Variants in EPG5 observed in about 807,000 individuals in gnomAD.
EPG5 encodes the protein ectopic P granules protein 5 homolog.
A neutral mutation model predicts 302.7 loss-of-function variants in EPG5; 159 were observed. The observed-to-expected ratio is 0.53, with a 90% confidence interval of 0.46 to 0.60. The LOEUF is 0.60. EPG5 is among the 20% of genes least tolerant of loss of function. EPG5 has a pLI of 0.00. For missense variants in EPG5, 2,896 were observed against 3,092.4 expected (o/e 0.94, Z 1.51); for synonymous variants, 1,158 against 1,136.8 (o/e 1.02, Z -0.37).
rs199978382 is a variant in EPG5 at position 45,901,058 on chromosome 18, C to G, written c.4584G>C (p.Leu1528Phe). 361 of 1,614,164 alleles carry G rather than the reference C, an allele frequency of 2.2e-4. 7 individuals carry two copies. The South Asian group carries it at 3.7e-3, about 17-fold the overall frequency. ...CCAGCTGGGTGGCGTCCTTCTGACT[C>G]AATAGCACAGCAGAGGAAATAACTG... is the stretch of plus-strand genomic sequence containing the variant. ...PVPVISSAVL[L>F]SQKDATQLVC... The change falls in exon 26 of 44, where the codon TTG becomes TTC. Residue 1528 changes from leucine to phenylalanine, a missense_variant. By Grantham distance (22) the Leu-to-Phe change is conservative. Coordinates refer to ENST00000282041, the MANE Select transcript of EPG5 (RefSeq NM_020964.3).
At chr18:45,807,905 C>T in the EPG5 span, among the ~76,000 whole-genome samples, 1 of 152,048 alleles carries the variant, frequency 6.6e-6, no homozygotes, top group Non-Finnish European at 1.5e-5. Context: ...AAAAAGAATT[C>T]AGGAGGTTAG....
intron 28 of EPG5, among the ~76,000 whole-genome samples, chr18:45,888,907 C>T (rs1200278850): frequency 6.6e-6 from 1 of 152,122 alleles, no homozygotes; most frequent in East Asian, 1.9e-4. Flanking sequence ...AAACACAAAA[C>T]CCTGATTTCT....
intron 32 of EPG5, among the ~76,000 whole-genome samples, chr18:45,879,460 T>G (rs1374663481): frequency 1.3e-5 from 2 of 152,188 alleles, no homozygotes; most frequent in Non-Finnish European, 2.9e-5. Context: ...CTCCGCTTCC[T>G]GGGTTCAAGC....
At chr18:45,908,451 TTG>T (rs1440256840) in intron 23 of EPG5, among the ~76,000 whole-genome samples, 4 of 152,198 alleles carry the variant, frequency 2.6e-5, no homozygotes, top group Non-Finnish European at 4.4e-5. Context: ...TCAGTTATTT[TTG>T]CTTAGAAAAG....
In EPG5 at chr18:45,852,303, ACC is replaced by A; in HGVS notation, c.*162_*163del. The A allele has an allele frequency of 3.3e-6, 2 of 604,354 alleles. No individual in the cohort carries two copies. Among genetic ancestry groups the A allele is most frequent in the South Asian group, 2.1e-5 (1 of 46,886 alleles). The allele number at this position is 604,354 out of a possible 1,614,324, so 37.4% of individuals were successfully genotyped here. ...AAAACACACACACACACACACACAC[ACC>A]CCAAAATTATCTAATATCTAACGCC... On this transcript the variant is annotated 3_prime_UTR_variant, in exon 44 of 44. Coordinates refer to ENST00000282041, the MANE Select transcript of EPG5 (RefSeq NM_020964.3).
At chr18:45,937,312 ATAGG>A (rs2050556578) in intron 10 of EPG5, among the ~76,000 whole-genome samples, 1 of 150,114 alleles carries the variant, frequency 6.7e-6, no homozygotes, top group Admixed American at 6.7e-5. Context: ...ATATATTTAT[ATAGG>A]TATTTATATA....
At chr18:45,875,360 A>G (rs1226659510) in intron 35 of EPG5, among the ~76,000 whole-genome samples, 13 of 152,242 alleles carry the variant, frequency 8.5e-5, no homozygotes, top group Admixed American at 8.5e-4. Flanking sequence ...GAATTAATGT[A>G]CATACATCAT....
At chr18:45,828,450 G>C in the EPG5 span, among the ~76,000 whole-genome samples, 2 of 152,250 alleles carry the variant, frequency 1.3e-5, no homozygotes, top group Admixed American at 1.3e-4. Context: ...AGGGAACGTG[G>C]GGCAGGGGGA....
At chr18:45,927,990 T>TCAAGACCAG (rs951946871) in intron 13 of EPG5, among the ~76,000 whole-genome samples, 14 of 151,888 alleles carry the variant, frequency 9.2e-5, no homozygotes, top group Non-Finnish European at 1.6e-4. Context: ...GGTTAGGAGT[T>TCAAGACCAG]CAAGACCAGC....
At chr18:45,858,094 A>G (rs2145193444) in intron 41 of EPG5, 26 bp from the exon 42 acceptor site, 1 of 1,582,814 alleles carries the variant, frequency 6.3e-7, no homozygotes, top group East Asian at 2.3e-5. Flanking sequence ...GAGGAAAATA[A>G]AATTAGAAGT....
At chr18:45,821,959 C>T in the EPG5 span, among the ~76,000 whole-genome samples, 1 of 152,212 alleles carries the variant, frequency 6.6e-6, no homozygotes. Flanking sequence ...AAAAAAATTA[C>T]ATATAGTGAA....
chr18:45,935,087 G>A, intron 10 of EPG5, 121 bp from the exon 11 acceptor site: 1 of 1,054,390 alleles, frequency 9.5e-7, no homozygotes, highest in Admixed American at 2.9e-5. Context: ...TTTCTAATAT[G>A]CTTTAGTCAT....
rs924971883 is a variant in EPG5 at position 45,851,316 on chromosome 18, C to T, written c.*1151G>A. 1.6e-4 allele frequency: 24 copies of T among 152,174 alleles called. No homozygotes were observed. The highest frequency in any genetic ancestry group is 2.8e-4 in the Non-Finnish European group (19 of 68,036). 9.4% of individuals were successfully genotyped at this position (152,174 alleles called of 1,614,324 possible). A position where few individuals can be genotyped will look rare whatever the true frequency, so the allele number is the denominator to read the frequency against. ...ACGTGGGAACAGAAGTCAAACTGCT[C>T]ATTCCCAGGAGAAATAACATGAGCA... On this transcript the variant is annotated 3_prime_UTR_variant, in exon 44 of 44. Coordinates refer to ENST00000282041, the MANE Select transcript of EPG5 (RefSeq NM_020964.3).
chr18:45,964,299 C>T (rs1165972601), intron 1 of EPG5, among the ~76,000 whole-genome samples: 2 of 152,212 alleles, frequency 1.3e-5, no homozygotes, highest in Admixed American at 1.3e-4. Context: ...CATGAAATAA[C>T]TATTAAGTTC....
Position 45,884,623 on chromosome 18 carries a change from T to C in EPG5, c.5298A>G (p.Leu1766=). The change falls in exon 30 of 44, where the codon CTA becomes CTG. Residue 1766 remains leucine (L), a synonymous_variant. Coordinates refer to ENST00000282041, the MANE Select transcript of EPG5 (RefSeq NM_020964.3). ...EDNSDMIFML[L]TKFDLKQWLS... Reference sequence around the variant, plus strand: ...GGATGGAATTACATCTTACCTTGGTTAGCAGCATGAAAATCATATCACTGT... The same window carrying C: ...GGATGGAATTACATCTTACCTTGGTCAGCAGCATGAAAATCATATCACTGT... 2 of 1,601,926 alleles carry C rather than the reference T, an allele frequency of 1.2e-6. No individual in the cohort carries two copies. The highest frequency in any genetic ancestry group is 1.7e-6 in the Non-Finnish European group (2 of 1,176,006).
the EPG5 span, among the ~76,000 whole-genome samples, chr18:45,822,121 T>C: frequency 6.6e-6 from 1 of 152,162 alleles, no homozygotes; most frequent in Non-Finnish European, 1.5e-5. Context: ...GCAGCACTAT[T>C]CACAGACCCA....
chr18:45,884,550 T>G, intron 30 of EPG5, 67 bp downstream of exon 30: 1 of 1,432,302 alleles, frequency 7.0e-7, no homozygotes, highest in Non-Finnish European at 9.5e-7. Context: ...CTTTTATTTC[T>G]GTAGAGGAGG....
chr18:45,857,575 G>A (rs1406730166), intron 42 of EPG5, among the ~76,000 whole-genome samples: 1 of 152,080 alleles, frequency 6.6e-6, no homozygotes, highest in Non-Finnish European at 1.5e-5. Flanking sequence ...AATCAGTAGT[G>A]CAGTTAGGTT....
At chr18:45,820,550 AG>A in the EPG5 span, among the ~76,000 whole-genome samples, 26 of 152,254 alleles carry the variant, frequency 1.7e-4, no homozygotes, top group Middle Eastern at 3.4e-3. Context: ...ACCCTCCTGG[AG>A]GGTTCCCGCA....
Sources: allele counts gnomAD v4.1 joint callset (sites outside exome capture counted in the v4.1 genomes callset), GRCh38; gene constraint gnomAD v4.1.1; transcripts MANE v1.5; gene names NCBI Gene and HGNC (gene_info 2026-07-23, HGNC 2026-07-21).